Variants in ATP5F1B observed in about 807,000 individuals in gnomAD.
ATP5F1B encodes the protein ATP synthase F(1) complex subunit beta, mitochondrial.
A neutral mutation model predicts 45.9 loss-of-function variants in ATP5F1B; 17 were observed. The ratio of observed to expected loss-of-function variants is 0.37; its 90% confidence interval spans 0.25 to 0.56. ATP5F1B has a LOEUF of 0.56. Among genes scored for constraint, ATP5F1B ranks in the 20% least tolerant of loss-of-function variants. ATP5F1B has a pLI of 0.80. For synonymous variants in ATP5F1B, 218 were observed against 256.5 expected, an observed-to-expected ratio of 0.85 and a Z score of 1.43; for missense variants, 387 against 673.2, an observed-to-expected ratio of 0.57 and a Z score of 4.70.
chr12:56,643,784 G>A (rs1302615720), intron 4 of ATP5F1B, 53 bp downstream of exon 4: 2 of 1,607,376 alleles, frequency 1.2e-6, no homozygotes, highest in East Asian at 2.2e-5. Context: ...AACATTGTAT[G>A]AGTTTTTCCT....
At chr12:56,644,443 T>C (rs1036662275) in intron 3 of ATP5F1B, among the ~76,000 whole-genome samples, 4 of 152,148 alleles carry the variant, frequency 2.6e-5, no homozygotes, top group Non-Finnish European at 4.4e-5. Context: ...AAACCCCATC[T>C]GTACTAAAAA....
At position 56,638,411 on chromosome 12, in the gene ATP5F1B, T is replaced by C. The variant is rs774162332; in HGVS notation, c.1502A>G (p.His501Arg). The stretch of plus-strand genomic sequence containing the variant: ...CATATAGAAGGCCTGTTCTGGGAGA[T>C]GGTCATATTCACCTGTATGATGGGG... ...FQQILAGEYD[H>R]LPEQAFYMVG... Residue 501 changes from histidine (H) to arginine (R), a missense_variant, in exon 10 of 10, where the codon CAT becomes CGT. Coordinates refer to ENST00000262030, the MANE Select transcript of ATP5F1B (RefSeq NM_001686.4). 8.7e-6 allele frequency: 14 copies of C among 1,612,168 alleles called. No homozygotes were observed. Among genetic ancestry groups the C allele is most frequent in the Non-Finnish European group, 1.2e-5 (14 of 1,179,264 alleles).
chr12:56,639,136 T>C lies in ATP5F1B; in HGVS notation c.1459A>G (p.Thr487Ala). 1 of 1,614,154 alleles carries C rather than the reference T, an allele frequency of 6.2e-7. No individual in the cohort carries two copies. Among genetic ancestry groups the C allele is most frequent in the South Asian group, 1.1e-5 (1 of 91,086 alleles). ...AAAATCTGCTGGAATCCTTTGATGG[T>C]CTCCTTCAGGGGTACCAGCTTCCCC... ...HMGKLVPLKETIKGFQQILAG... is the reference protein window; with the variant it reads ...HMGKLVPLKEAIKGFQQILAG... The change falls in exon 9 of 10, where the codon ACC becomes GCC. Residue 487 changes from threonine to alanine, a missense_variant. By Grantham distance (58) the Thr-to-Ala change is moderately conservative. Transcript: ENST00000262030.
Position 56,640,114 on chromosome 12 carries a change from G to A in ATP5F1B, c.1153C>T (p.Leu385=), listed in dbSNP as rs1395053319. 1 of 1,614,114 alleles carries A rather than the reference G, an allele frequency of 6.2e-7. No individual in the cohort carries two copies. The highest frequency in any genetic ancestry group is 8.5e-7 in the Non-Finnish European group (1 of 1,180,008). The change falls in exon 8 of 10, where the codon CTG becomes TTG. Residue 385 remains leucine (L), a synonymous_variant. Transcript: ENST00000262030. The part of the protein sequence containing the change: ...TFAHLDATTV[L]SRAIAELGIY... ...CCCAGCTCAGCAATGGCACGCGACAGTACAGTGGTAGCATCCAAATGGGCA... is the reference window on the plus strand; with the variant it reads ...CCCAGCTCAGCAATGGCACGCGACAATACAGTGGTAGCATCCAAATGGGCA...
chr12:56,642,152 C>T (rs150739320), intron 7 of ATP5F1B, among the ~76,000 whole-genome samples: 2,235 of 152,092 alleles, frequency 0.015, 28 homozygotes, highest in Middle Eastern at 0.031. Context: ...CCTGCCACAA[C>T]GCCCAGCTAA....
At chr12:56,645,042 A>T (rs1203010185) in intron 2 of ATP5F1B, 87 bp from the exon 3 acceptor site, 1 of 1,606,648 alleles carries the variant, frequency 6.2e-7, no homozygotes, top group Non-Finnish European at 8.5e-7. Context: ...TCAGTACCTA[A>T]ATGTGGCTTC....
intron 7 of ATP5F1B, 93 bp from the exon 8 acceptor site, chr12:56,640,285 G>A: frequency 2.7e-6 from 3 of 1,111,546 alleles, no homozygotes; most frequent in Non-Finnish European, 1.3e-6. Flanking sequence ...CTGGAGTGCA[G>A]TGGTGCAATC....
intron 1 of ATP5F1B, 81 bp from the exon 2 acceptor site, chr12:56,645,434 G>GAGGAAA: frequency 6.9e-7 from 1 of 1,455,920 alleles, no homozygotes; most frequent in Non-Finnish European, 9.2e-7. Flanking sequence ...CACACAAGGA[G>GAGGAAA]AGGAAAACTC....
chr12:56,644,594 A>G (rs1432068513), intron 3 of ATP5F1B, among the ~76,000 whole-genome samples, 187 bp downstream of exon 3: 3 of 152,036 alleles, frequency 2.0e-5, no homozygotes, highest in African/African-American at 7.2e-5. Context: ...AAAAAACCTC[A>G]AGTAGTAGGC....
intron 6 of ATP5F1B, 31 bp from the exon 7 acceptor site, chr12:56,642,611 A>C (rs1395522019): frequency 4.3e-6 from 7 of 1,613,984 alleles, no homozygotes; most frequent in Non-Finnish European, 5.9e-6. Flanking sequence ...AGGTGTCTAC[A>C]TCCTTAGCCT....
chr12:56,645,161 C>T lies in ATP5F1B; in HGVS notation c.310+10G>A. On this transcript the variant is annotated intron_variant, in intron 2 of 9. Transcript: ENST00000262030. ...CAAGGTCTTTACTATTCCTAACAAA[C>T]TCTACTTACCCAAATGCTGGGCCAC... is the stretch of plus-strand genomic sequence containing the variant. The T allele has an allele frequency of 6.2e-7, 1 of 1,614,006 alleles. No individual in the cohort carries two copies. The highest frequency in any genetic ancestry group is 8.5e-7 in the Non-Finnish European group (1 of 1,179,850).
At chr12:56,639,932 C>G (rs1180060889) in intron 8 of ATP5F1B, 48 bp downstream of exon 8, 3 of 1,591,702 alleles carry the variant, frequency 1.9e-6, no homozygotes, top group Admixed American at 3.3e-5. Context: ...CCCCACAGGC[C>G]CTCTTTTTGA....
rs1951486611 is a variant in ATP5F1B at position 56,638,340 on chromosome 12, C to G, written c.1573G>C (p.Glu525Gln). 5 of 1,613,930 alleles carry G rather than the reference C, an allele frequency of 3.1e-6. No homozygotes were observed. Among genetic ancestry groups the G allele is most frequent in the Non-Finnish European group, 4.2e-6 (5 of 1,179,960 alleles). Reference sequence around the variant, plus strand: ...AAGACCCCTCACGATGAATGCTCTTCAGCCAGCTTATCAGCTTTTGCCACA... The same window carrying G: ...AAGACCCCTCACGATGAATGCTCTTGAGCCAGCTTATCAGCTTTTGCCACA... ...EAVAKADKLAEEHSS is the reference protein window; with the variant it reads ...EAVAKADKLAQEHSS Residue 525 changes from glutamate (E) to glutamine (Q), a missense_variant, in exon 10 of 10, where the codon GAA becomes CAA. Transcript: ENST00000262030.
At chr12:56,642,984 T>TA in intron 5 of ATP5F1B, 153 bp from the exon 6 acceptor site, 2 of 767,320 alleles carry the variant, frequency 2.6e-6, no homozygotes, top group East Asian at 2.8e-5. Context: ...GAGATGCAGT[T>TA]CAAAAAAAAA....
intron 7 of ATP5F1B, among the ~76,000 whole-genome samples, chr12:56,640,735 C>T (rs1951505309): frequency 6.6e-6 from 1 of 151,740 alleles, no homozygotes; most frequent in South Asian, 2.1e-4. Flanking sequence ...TTTTAATGCC[C>T]ACTTTTAGAA....
Position 56,638,196 on chromosome 12 carries a change from T to C in ATP5F1B, c.*127A>G. 2 of 781,242 alleles carry C rather than the reference T, an allele frequency of 2.6e-6. No homozygotes were observed. Among genetic ancestry groups the C allele is most frequent in the Non-Finnish European group, 2.1e-6 (1 of 484,772 alleles). 48.4% of individuals were successfully genotyped at this position (781,242 alleles called of 1,614,324 possible). A position where few individuals can be genotyped will look rare whatever the true frequency, so the allele number is the denominator to read the frequency against. On this transcript the variant is annotated 3_prime_UTR_variant, in exon 10 of 10. Coordinates refer to ENST00000262030, the MANE Select transcript of ATP5F1B (RefSeq NM_001686.4). ...CAAATTCTGAGGGGTGTACATTTTA[T>C]TGGAAACCTTAAATACTGTTCAGAA...
chr12:56,639,021 A>G (rs1565847134), intron 9 of ATP5F1B, 85 bp downstream of exon 9: 1 of 1,252,824 alleles, frequency 8.0e-7, no homozygotes, highest in African/African-American at 1.5e-5. Flanking sequence ...ATAATTAAGC[A>G]TAGTATATTA....
intron 7 of ATP5F1B, among the ~76,000 whole-genome samples, chr12:56,641,066 T>TA (rs1951508512): frequency 6.9e-6 from 1 of 144,728 alleles, no homozygotes; most frequent in African/African-American, 2.6e-5. Flanking sequence ...TTAAAAAAAA[T>TA]AAAAAAATAA....
At position 56,644,815 on chromosome 12, in the gene ATP5F1B, G is replaced by T; in HGVS notation, c.451C>A (p.Pro151Thr). 4 of 1,614,008 alleles carry T rather than the reference G, an allele frequency of 2.5e-6. No homozygotes were observed. Among genetic ancestry groups the T allele is most frequent in the Non-Finnish European group, 3.4e-6 (4 of 1,179,922 alleles). Reference sequence around the variant, plus strand: ...TTGATGGGACCTCTTTCATCAATAGGTTCTCCAATGACATTCATGATTCTG... The same window carrying T: ...TTGATGGGACCTCTTTCATCAATAGTTTCTCCAATGACATTCATGATTCTG... ...LGRIMNVIGEPIDERGPIKTK... is the reference protein window; with the variant it reads ...LGRIMNVIGETIDERGPIKTK... The change falls in exon 3 of 10, where the codon CCT becomes ACT. Residue 151 changes from proline (P) to threonine (T), a missense_variant. Physicochemically the swap from Pro to Thr is conservative, Grantham distance 38 (BLOSUM62 -1). Around this residue, in one of 6 missense-constraint regions of ATP5F1B, gnomAD observed 113 missense variants for 168.0 expected, o/e 0.67. Transcript: ENST00000262030.
Sources: gnomAD v4.1 joint callset for allele counts (sites outside exome capture counted in the v4.1 genomes callset) on GRCh38, gnomAD v4.1.1 for gene constraint, gnomAD v4.1.1 regional missense constraint, MANE v1.5 for transcripts, NCBI Gene and HGNC (gene_info 2026-07-23, HGNC 2026-07-21) for gene names.